The following SLIT3 variants were observed in gnomAD, a reference collection of about 807,000 sequenced individuals.
The protein encoded by SLIT3 is slit guidance ligand 3, also known as slit homolog 3 protein.
Under a neutral mutation model 184.0 loss-of-function variants are expected in SLIT3, and 68 were observed. The observed-to-expected ratio is 0.37, with a 90% CI of 0.30 to 0.45. SLIT3 has a LOEUF of 0.45. Ranked by LOEUF, SLIT3 falls within the 20% of genes least tolerant of loss-of-function variation. SLIT3 has a pLI of 1.00. For synonymous variants in SLIT3, 831 were observed against 828.6 expected, an observed-to-expected ratio of 1.00 and a Z score of -0.05; for missense variants, 1,707 against 2,026.0, an observed-to-expected ratio of 0.84 and a Z score of 3.02.
At chr5:168,677,350 C>T (rs1049982960) in intron 32 of SLIT3, among the ~76,000 whole-genome samples, 2 of 152,174 alleles carry the variant, frequency 1.3e-5, no homozygotes, top group South Asian at 2.1e-4. Context: ...AATCATCGCT[C>T]ACTGCAGCCT....
At chr5:169,253,952 A>G (rs947093489) in intron 1 of SLIT3, among the ~76,000 whole-genome samples, 2 of 152,188 alleles carry the variant, frequency 1.3e-5, no homozygotes, top group Admixed American at 6.5e-5. Flanking sequence ...CAAGTGACAC[A>G]GGGGCTACGG....
chr5:169,285,207 G>A (rs901002782), intron 1 of SLIT3, among the ~76,000 whole-genome samples: 1 of 152,192 alleles, frequency 6.6e-6, no homozygotes, highest in Non-Finnish European at 1.5e-5. Context: ...GTGAGCCACT[G>A]CACCTGGGCC....
chr5:169,061,689 C>T (rs1485544427), intron 4 of SLIT3, among the ~76,000 whole-genome samples: 3 of 152,198 alleles, frequency 2.0e-5, no homozygotes, highest in East Asian at 1.9e-4. Flanking sequence ...CACGATGCAG[C>T]GCAAGGATGC....
chr5:168,771,872 C>A (rs1755560481), intron 14 of SLIT3, among the ~76,000 whole-genome samples: 1 of 152,180 alleles, frequency 6.6e-6, no homozygotes, highest in Non-Finnish European at 1.5e-5. Flanking sequence ...AGCTCCTGGG[C>A]AAGGGGAGAA....
At chr5:169,258,944 T>C (rs1001556033) in intron 1 of SLIT3, among the ~76,000 whole-genome samples, 6 of 152,208 alleles carry the variant, frequency 3.9e-5, no homozygotes, top group Admixed American at 2.0e-4. Flanking sequence ...TCTCAACCTT[T>C]TCACTCCTTA....
At chr5:168,829,863 G>C (rs1326034905) in intron 6 of SLIT3, among the ~76,000 whole-genome samples, 1 of 152,202 alleles carries the variant, frequency 6.6e-6, no homozygotes, top group East Asian at 1.9e-4. Flanking sequence ...CGGACCTCAA[G>C]GGGAACTCAC....
chr5:169,155,165 T>C (rs904025921), intron 4 of SLIT3, among the ~76,000 whole-genome samples: 2 of 152,204 alleles, frequency 1.3e-5, no homozygotes, highest in Non-Finnish European at 2.9e-5. Context: ...CAACCCTGTG[T>C]CTGCGAGTCA....
intron 4 of SLIT3, among the ~76,000 whole-genome samples, chr5:168,894,629 G>A (rs1476701622): frequency 1.3e-5 from 2 of 152,216 alleles, no homozygotes; most frequent in African/African-American, 4.8e-5. Flanking sequence ...AGTGAGCTAA[G>A]CTGAGGCGTG....
chr5:169,106,631 G>C (rs1760218066), intron 4 of SLIT3, among the ~76,000 whole-genome samples: 1 of 152,114 alleles, frequency 6.6e-6, no homozygotes, highest in South Asian at 2.1e-4. Context: ...TCAGTTCTGA[G>C]CTTCCCCATC....
chr5:169,253,446 T>C (rs907005344), intron 1 of SLIT3, among the ~76,000 whole-genome samples: 3 of 152,144 alleles, frequency 2.0e-5, no homozygotes, highest in Non-Finnish European at 4.4e-5. Context: ...GAGTTAGTGT[T>C]TGGGAGCTGA....
At chr5:169,100,731 C>A (rs1759977156) in intron 4 of SLIT3, among the ~76,000 whole-genome samples, 1 of 152,196 alleles carries the variant, frequency 6.6e-6, no homozygotes. Context: ...TCATTCCATC[C>A]TCCAGTGATC....
At position 168,854,724 on chromosome 5, in the gene SLIT3, T is replaced by A. The variant is rs372336439; in HGVS notation, c.486-10069A>T. ...CAGAGGTGACAAGGCTTGTCTTCCA[T>A]AGGTATACAAGCCACGGGAACCAAA... On this transcript the variant is annotated intron_variant, in intron 5 of 35. Coordinates refer to ENST00000519560, the MANE Select transcript of SLIT3 (RefSeq NM_003062.4). Among the ~76,000 whole-genome samples the A allele has an allele frequency of 2.0e-5, 3 of 152,286 alleles. No individual in the cohort carries two copies. The South Asian group carries it at 6.2e-4, about 32-fold the overall frequency.
chr5:169,198,681 C>T (rs1325884539), intron 3 of SLIT3, among the ~76,000 whole-genome samples: 1 of 152,088 alleles, frequency 6.6e-6, no homozygotes, highest in African/African-American at 2.4e-5. Context: ...TGCCTGTAAT[C>T]CCAGCACTTT....
chr5:168,690,478 G>A (rs1761872678), intron 29 of SLIT3, among the ~76,000 whole-genome samples: 1 of 152,134 alleles, frequency 6.6e-6, no homozygotes, highest in South Asian at 2.1e-4. Context: ...TCCCGGGCAT[G>A]CCCAGAGCAC....
intron 4 of SLIT3, among the ~76,000 whole-genome samples, chr5:168,980,259 C>A (rs1352583445): frequency 1.3e-5 from 2 of 152,040 alleles, no homozygotes; most frequent in African/African-American, 4.8e-5. Flanking sequence ...TGGAGTGGTG[C>A]CCGGGTTCTG....
rs565118161 is a variant in SLIT3, at chr5:168,893,921, T to A, written c.414-10585A>T. ...TGATAATTAGCAAAAATTAAGGGGA[T>A]GGGGAGTGTGCTTCTAACATGTTTT... On this transcript the variant is annotated intron_variant, in intron 4 of 35. Transcript: ENST00000519560. 2.0e-5 allele frequency among the ~76,000 whole-genome samples: 3 copies of A among 152,270 alleles called. No individual in the cohort carries two copies. In the East Asian group the frequency reaches 5.8e-4, roughly 29 times the overall value.
intron 4 of SLIT3, chr5:169,120,127 C>T (rs1001614514): frequency 2.0e-5 from 3 of 152,114 alleles, no homozygotes; most frequent in Admixed American, 6.5e-5. Flanking sequence ...ACCTTTTGTC[C>T]CATTTAAAAT....
At chr5:169,164,953 T>C (rs1240153085) in intron 4 of SLIT3, among the ~76,000 whole-genome samples, 1 of 152,246 alleles carries the variant, frequency 6.6e-6, no homozygotes, top group African/African-American at 2.4e-5. Context: ...AAGCAGCTTA[T>C]TGCTGTGCCA....
chr5:168,762,523 C>G lies in SLIT3; in HGVS notation c.1610+16G>C, dbSNP rs1245483898. On this transcript the variant is annotated intron_variant, in intron 15 of 35. Coordinates refer to ENST00000519560, the MANE Select transcript of SLIT3 (RefSeq NM_003062.4). ...TGTGGGGAGGAGTAGGGAGTTCACGCCGAGGTTGGACTTACAGGTCGGTGA... is the reference window on the plus strand; with the variant it reads ...TGTGGGGAGGAGTAGGGAGTTCACGGCGAGGTTGGACTTACAGGTCGGTGA... The G allele has an allele frequency of 6.2e-7, 1 of 1,609,640 alleles. No individual in the cohort carries two copies. The highest frequency in any genetic ancestry group is 8.5e-7 in the Non-Finnish European group (1 of 1,176,296).
Sources: allele counts gnomAD v4.1 joint callset (sites outside exome capture counted in the v4.1 genomes callset), GRCh38; gene constraint gnomAD v4.1.1; transcripts MANE v1.5; gene names NCBI Gene and HGNC (gene_info 2026-07-23, HGNC 2026-07-21).